ATE1: variants seen among roughly 807,000 people sequenced by gnomAD.
ATE1 encodes arginyl-tRNA--protein transferase 1.
A neutral mutation model predicts 70.5 loss-of-function variants in ATE1; 36 were observed. The observed-to-expected ratio is 0.51, with a 90% CI of 0.39 to 0.67. The LOEUF (loss-of-function observed/expected upper bound fraction) is 0.67, where lower values mean the gene tolerates loss of function less well. ATE1 is among the 30% of genes least tolerant of loss of function. The pLI is 0.00. For synonymous variants in ATE1, 232 were observed against 219.3 expected (o/e 1.06, Z -0.51); for missense variants, 593 against 629.5 (o/e 0.94, Z 0.62).
intron 11 of ATE1, 140 bp downstream of exon 11, chr10:121,790,029 T>TATAC: frequency 1.1e-6 from 1 of 888,200 alleles, no homozygotes; most frequent in South Asian, 2.2e-5. Context: ...TCCTCTATCT[T>TATAC]ACACACACAC....
intron 3 of ATE1, among the ~76,000 whole-genome samples, chr10:121,921,674 G>A (rs1056495460): frequency 1.3e-5 from 2 of 152,004 alleles, no homozygotes; most frequent in Non-Finnish European, 1.5e-5. Flanking sequence ...CCTAGATAAC[G>A]GACATCTGGG....
chr10:121,885,873 C>T (rs150736240), intron 7 of ATE1, among the ~76,000 whole-genome samples: 55 of 152,112 alleles, frequency 3.6e-4, no homozygotes, highest in African/African-American at 1.3e-3. Flanking sequence ...GAGCTTTAGC[C>T]TTGGCAACAG....
intron 11 of ATE1, among the ~76,000 whole-genome samples, chr10:121,765,887 C>T (rs2135828625): frequency 6.6e-6 from 1 of 152,052 alleles, no homozygotes; most frequent in South Asian, 2.1e-4. Flanking sequence ...CTAAAAAAAC[C>T]AATAGATTAA....
intron 9 of ATE1, among the ~76,000 whole-genome samples, chr10:121,837,452 C>T (rs1220499312): frequency 6.6e-6 from 1 of 152,112 alleles, no homozygotes; most frequent in Admixed American, 6.5e-5. Context: ...TTTTCATTTG[C>T]ATCCTGATAA....
At chr10:121,910,783 G>T (rs530179080) in intron 5 of ATE1, 123 bp downstream of exon 5, 420 of 1,261,614 alleles carry the variant, frequency 3.3e-4, no homozygotes, top group Admixed American at 1.7e-3. Context: ...AACAAAGCAG[G>T]GTTCTGTTTT....
At chr10:121,901,842 G>A (rs1276824314) in intron 6 of ATE1, among the ~76,000 whole-genome samples, 1 of 152,148 alleles carries the variant, frequency 6.6e-6, no homozygotes, top group African/African-American at 2.4e-5. Context: ...AAAAATGGAG[G>A]AATTTGGCTC....
intron 10 of ATE1, among the ~76,000 whole-genome samples, chr10:121,825,219 T>C (rs1947959708): frequency 6.6e-6 from 1 of 152,236 alleles, no homozygotes; most frequent in South Asian, 2.1e-4. Context: ...AAGGTTAATA[T>C]GATGAGTATC....
chr10:121,786,308 T>C (rs1041092629), intron 11 of ATE1, among the ~76,000 whole-genome samples: 9 of 150,014 alleles, frequency 6.0e-5, no homozygotes, highest in African/African-American at 1.5e-4. Flanking sequence ...AATCAAATCA[T>C]AGTTTATCTA....
intron 7 of ATE1, among the ~76,000 whole-genome samples, chr10:121,886,800 T>C (rs1950413720): frequency 6.6e-6 from 1 of 152,130 alleles, no homozygotes; most frequent in Non-Finnish European, 1.5e-5. Context: ...TGACCACAGT[T>C]TCCAAGAACT....
At chr10:121,818,680 G>A (rs1346367357) in intron 10 of ATE1, among the ~76,000 whole-genome samples, 2 of 152,216 alleles carry the variant, frequency 1.3e-5, no homozygotes, top group Non-Finnish European at 2.9e-5. Flanking sequence ...ATCTTGGGAG[G>A]AAGACACTGC....
chr10:121,904,882 T>G (rs1590687003), intron 5 of ATE1, among the ~76,000 whole-genome samples: 2 of 152,198 alleles, frequency 1.3e-5, no homozygotes, highest in East Asian at 3.8e-4. Flanking sequence ...TAACATGTTT[T>G]CTAACTAAAA....
At chr10:121,878,195 C>T (rs960504983) in intron 7 of ATE1, among the ~76,000 whole-genome samples, 3 of 152,074 alleles carry the variant, frequency 2.0e-5, no homozygotes, top group African/African-American at 4.8e-5. Context: ...GGTAGTTAAC[C>T]TCTGGGTAGG....
intron 7 of ATE1, among the ~76,000 whole-genome samples, chr10:121,875,310 T>G (rs1297023688): frequency 4.9e-5 from 7 of 142,532 alleles, no homozygotes; most frequent in Non-Finnish European, 1.1e-4. Context: ...TTTTTTTTGT[T>G]TTTTTTTTTT....
At chr10:121,837,287 T>A (rs998006402) in intron 9 of ATE1, among the ~76,000 whole-genome samples, 1 of 152,228 alleles carries the variant, frequency 6.6e-6, no homozygotes, top group African/African-American at 2.4e-5. Context: ...CATTCCTTTA[T>A]CTAGGCACAA....
At chr10:121,925,711 A>T (rs1303869134) in intron 1 of ATE1, among the ~76,000 whole-genome samples, 10 of 113,790 alleles carry the variant, frequency 8.8e-5, no homozygotes. Context: ...CTGTTTTCAC[A>T]AAAAAAAAAT....
intron 11 of ATE1, among the ~76,000 whole-genome samples, chr10:121,771,677 A>G (rs530090522): frequency 1.3e-5 from 2 of 152,218 alleles, no homozygotes; most frequent in African/African-American, 4.8e-5. Flanking sequence ...ATTTTATGCA[A>G]ACAAATTAGA....
chr10:121,834,061 C>A (rs1208109492), intron 10 of ATE1, among the ~76,000 whole-genome samples: 1 of 152,190 alleles, frequency 6.6e-6, no homozygotes, highest in African/African-American at 2.4e-5. Context: ...CAACTAAAGG[C>A]TAGGCAGTGC....
At chr10:121,927,500 C>G in intron 1 of ATE1, 17 of 985,388 alleles carry the variant, frequency 1.7e-5, no homozygotes, top group Non-Finnish European at 2.0e-5. Context: ...CCGCAGCACC[C>G]ACCGGTCAGC....
chr10:121,839,915 T>C (rs572413292), intron 9 of ATE1, among the ~76,000 whole-genome samples: 1 of 152,330 alleles, frequency 6.6e-6, no homozygotes, highest in East Asian at 1.9e-4. Context: ...AATCTGGCAG[T>C]ACATTTTACT....
Sources: gnomAD v4.1 joint callset for allele counts (sites outside exome capture counted in the v4.1 genomes callset) on GRCh38, gnomAD v4.1.1 for gene constraint, MANE v1.5 for transcripts, NCBI Gene and HGNC (gene_info 2026-07-23, HGNC 2026-07-21) for gene names.